Variants in ZNF177 observed in about 807,000 individuals in gnomAD.
The protein encoded by ZNF177 is zinc finger protein 177.
In ZNF177, 17 loss-of-function variants were observed where a neutral mutation model predicts 19.4. The observed-to-expected ratio is 0.87, with a 90% CI of 0.60 to 1.31. The LOEUF (loss-of-function observed/expected upper bound fraction) is 1.31. ZNF177 is among the 40% of genes most tolerant of loss of function. The pLI is 0.00. For missense variants in ZNF177, 633 were observed against 561.8 expected, an observed-to-expected ratio of 1.13 and a Z score of -1.28; for synonymous variants, 220 against 188.7, an observed-to-expected ratio of 1.17 and a Z score of -1.36.
At chr19:9,378,409 C>T in intron 2 of ZNF177, 65 bp downstream of exon 4, 2 of 1,601,582 alleles carry the variant, frequency 1.2e-6, no homozygotes, top group East Asian at 2.3e-5. Flanking sequence ...ACATCTCTTG[C>T]CCCTGACCTG....
chr19:9,378,100 T>C (rs1402633984), intron 1 of ZNF177, among the ~76,000 whole-genome samples, 159 bp from the exon 4 acceptor site: 5 of 152,180 alleles, frequency 3.3e-5, no homozygotes, highest in Non-Finnish European at 7.4e-5. Context: ...CATACTATAT[T>C]TCTAATTTGA....
chr19:9,371,228 C>G (rs968029312), intron 2 of ZNF177, among the ~76,000 whole-genome samples: 13 of 152,086 alleles, frequency 8.5e-5, no homozygotes, highest in African/African-American at 2.4e-4. Flanking sequence ...TACAGAATAT[C>G]TTTTTACATT....
intron 1 of ZNF177, 49 bp from the exon 2 acceptor site, chr19:9,364,813 A>G (rs2067955786): frequency 6.6e-6 from 1 of 152,200 alleles, no homozygotes; most frequent in East Asian, 1.9e-4. Flanking sequence ...TTCATGGTGT[A>G]TGAGAAAACG....
chr19:9,378,937 C>G (rs758610404), intron 2 of ZNF177, 25 bp from the exon 5 acceptor site: 1 of 1,572,690 alleles, frequency 6.4e-7, no homozygotes, highest in Admixed American at 1.7e-5. Context: ...ATTGGCTGAG[C>G]CAGAATATGT....
chr19:9,380,653 C>A lies in ZNF177; in HGVS notation c.337-15C>A, dbSNP rs953774956. On this transcript the variant is annotated splice_polypyrimidine_tract_variant and intron_variant, in intron 5 of 5. Coordinates refer to ENST00000589262, the Ensembl canonical transcript of ZNF177. Reference sequence around the variant, plus strand: ...TGAAAAAGCCTCTAGTCACCACTTACTCCCTTTTCAACAGGCAGAAAATCA... The same window carrying A: ...TGAAAAAGCCTCTAGTCACCACTTAATCCCTTTTCAACAGGCAGAAAATCA... 51 of 1,535,764 alleles carry A rather than the reference C, an allele frequency of 3.3e-5. No individual in the cohort carries two copies. The Admixed American group carries it at 9.0e-4, about 27-fold the overall frequency.
exon 6 of ZNF177, chr19:9,380,747 C>T (rs1242368393): frequency 3.9e-6 from 6 of 1,535,972 alleles, no homozygotes; most frequent in South Asian, 1.2e-5. Flanking sequence ...TTTATTTGTA[C>T]AAGATATTGC....
At position 9,380,151 on chromosome 19, in the gene ZNF177, T is replaced by C. The variant is rs749051713; in HGVS notation, c.336+12T>C. 70 of 1,598,488 alleles carry C rather than the reference T, an allele frequency of 4.4e-5. 1 individual carries two copies. In the Admixed American group the frequency reaches 1.2e-3, roughly 28 times the overall value. On this transcript the variant is annotated intron_variant, in intron 5 of 5. Transcript: ENST00000589262. ...ATGGCATAAACACGGTAAGACTTAC[T>C]AGGAAGTATTCCTGGTCTTTGTAGT...
chr19:9,380,580 ATATG>A, intron 5 of ZNF177, 84 bp from the exon 8 acceptor site: 3 of 1,535,632 alleles, frequency 2.0e-6, no homozygotes, highest in Non-Finnish European at 2.6e-6. Flanking sequence ...TGCTTCCTAT[ATATG>A]GCAGAATCCT....
rs180675759 is a variant in ZNF177 at position 9,378,946 on chromosome 19, G to C, written c.34-16G>C. 249 of 1,591,742 alleles carry C rather than the reference G, an allele frequency of 1.6e-4. 1 individual carries two copies. Among genetic ancestry groups the C allele is most frequent in the African/African-American group, 1.6e-3 (116 of 74,472 alleles). On this transcript the variant is annotated splice_polypyrimidine_tract_variant and intron_variant, in intron 2 of 5. Transcript: ENST00000589262. ...ATGGTCATTGGCTGAGCCAGAATAT[G>C]TATGTGATGTTTTAGAACTCAGTAA...
chr19:9,379,948 C>A, intron 4 of ZNF177, 109 bp from the exon 7 acceptor site: 1 of 1,266,758 alleles, frequency 7.9e-7, no homozygotes, highest in Non-Finnish European at 1.1e-6. Flanking sequence ...TCTTACATTT[C>A]TCTACTTAGA....
upstream of ZNF177, among the ~76,000 whole-genome samples, chr19:9,374,638 G>A (rs1346680527): frequency 6.6e-6 from 1 of 151,894 alleles, no homozygotes; most frequent in African/African-American, 2.4e-5. Context: ...ATTATTATAA[G>A]TGAAATTATT....
intron 1 of ZNF177, among the ~76,000 whole-genome samples, chr19:9,363,765 A>G (rs1465460065): frequency 6.6e-6 from 1 of 152,148 alleles, no homozygotes; most frequent in Non-Finnish European, 1.5e-5. Flanking sequence ...TTGGATGTTT[A>G]CATATTGACA....
chr19:9,368,775 C>T (rs1165059274), intron 2 of ZNF177, among the ~76,000 whole-genome samples: 1 of 151,994 alleles, frequency 6.6e-6, no homozygotes, highest in Non-Finnish European at 1.5e-5. Flanking sequence ...GTGATGTTTT[C>T]TGAATTCCAA....
intron 2 of ZNF177, among the ~76,000 whole-genome samples, chr19:9,370,435 A>C (rs1177323307): frequency 6.8e-6 from 1 of 147,672 alleles, no homozygotes; most frequent in Non-Finnish European, 1.5e-5. Context: ...TTTTTAAGAG[A>C]TGGGGTCTCA....
chr19:9,380,565 T>G (rs1246176120), intron 5 of ZNF177, 103 bp from the exon 8 acceptor site: 2 of 1,532,326 alleles, frequency 1.3e-6, no homozygotes, highest in Admixed American at 3.9e-5. Flanking sequence ...TCAGTCATGA[T>G]CATGTGCTTC....
At chr19:9,372,540 C>CTTTTTTTTTTTTTTTTTT (rs61321271), upstream of ZNF177, among the ~76,000 whole-genome samples, 1 of 84,576 alleles carries the variant, frequency 1.2e-5, no homozygotes. Context: ...CTTTCTTTTC[C>CTTTTTTTTTTTTTTTTTT]TTTTTTTTTT....
intron 2 of ZNF177, 22 bp downstream of exon 2, chr19:9,364,970 A>G (rs2067957775): frequency 6.6e-6 from 1 of 152,144 alleles, no homozygotes; most frequent in African/African-American, 2.4e-5. Flanking sequence ...CCTAAGCAAT[A>G]ATTACTGCTA....
upstream of ZNF177, among the ~76,000 whole-genome samples, chr19:9,375,458 T>TC (rs1195859501): frequency 1.3e-5 from 2 of 152,180 alleles, no homozygotes; most frequent in East Asian, 3.9e-4. Context: ...AGCCACCAAG[T>TC]CCTGGGCTTT....
intron 2 of ZNF177, among the ~76,000 whole-genome samples, chr19:9,369,995 G>C (rs941550955): frequency 2.0e-5 from 3 of 151,826 alleles, no homozygotes; most frequent in Non-Finnish European, 4.4e-5. Flanking sequence ...TTTTACCTTT[G>C]TTCATTCTAC....
Sources: gnomAD v4.1 joint callset for allele counts (sites outside exome capture counted in the v4.1 genomes callset) on GRCh38, gnomAD v4.1.1 for gene constraint, MANE v1.5 for transcripts, NCBI Gene and HGNC (gene_info 2026-07-23, HGNC 2026-07-21) for gene names.